Variants in MIGA1 observed in about 807,000 individuals in gnomAD.
MIGA1 encodes family with sequence similarity 73, member A.
Under a neutral mutation model 82.0 loss-of-function variants are expected in MIGA1, and 58 were observed. The observed-to-expected ratio is 0.71, with a 90% CI of 0.57 to 0.88. The LOEUF is 0.88. MIGA1 is among the 40% of genes least tolerant of loss of function. The pLI is 0.00. For synonymous variants in MIGA1, 249 were observed against 253.6 expected (o/e 0.98, Z 0.17); for missense variants, 751 against 749.1 (o/e 1.00, Z -0.03).
chr1:77,846,567 C>T (rs990160870), intron 8 of MIGA1, among the ~76,000 whole-genome samples: 48 of 151,986 alleles, frequency 3.2e-4, no homozygotes, highest in African/African-American at 1.2e-3. Context: ...CTCCTGAGCT[C>T]AAGCAATCCT....
rs950110544 is a variant in MIGA1 at position 77,783,154 on chromosome 1, A to G, written c.82-84A>G. 5.7e-6 allele frequency: 5 copies of G among 869,672 alleles called. No homozygotes were observed. The African/African-American group carries it at 8.4e-5, about 15-fold the overall frequency. 53.9% of individuals were successfully genotyped at this position (869,672 alleles called of 1,614,324 possible). On this transcript the variant is annotated intron_variant, in intron 1 of 15. Coordinates refer to ENST00000370791, the MANE Select transcript of MIGA1 (RefSeq NM_198549.4). ...TTGACTGCAAAAATAAGCTGATAGA[A>G]TTAAATTTTCAGTTTGTACCTTTCA...
intron 14 of MIGA1, among the ~76,000 whole-genome samples, chr1:77,871,199 A>T (rs1222273874): frequency 6.6e-6 from 1 of 151,722 alleles, no homozygotes; most frequent in East Asian, 1.9e-4. Flanking sequence ...CTGCTATCTT[A>T]TATTTTAAAA....
intron 7 of MIGA1, among the ~76,000 whole-genome samples, chr1:77,820,082 G>A (rs965317678): frequency 6.6e-6 from 1 of 150,726 alleles, no homozygotes; most frequent in Non-Finnish European, 1.5e-5. Flanking sequence ...TTTATTTCTG[G>A]TGGTGGTATG....
intron 7 of MIGA1, among the ~76,000 whole-genome samples, chr1:77,830,600 C>T (rs1684207289): frequency 6.6e-6 from 1 of 152,152 alleles, no homozygotes; most frequent in African/African-American, 2.4e-5. Context: ...CCCCGCAACC[C>T]TGCCCTATCT....
intron 2 of MIGA1, among the ~76,000 whole-genome samples, chr1:77,785,437 G>A (rs772841238): frequency 2.0e-5 from 3 of 151,786 alleles, no homozygotes; most frequent in Non-Finnish European, 1.5e-5. Context: ...TCTGCCTCCC[G>A]AGTTCAAGCG....
chr1:77,813,052 C>T (rs1197290392), intron 5 of MIGA1, among the ~76,000 whole-genome samples: 1 of 152,176 alleles, frequency 6.6e-6, no homozygotes, highest in African/African-American at 2.4e-5. Flanking sequence ...GCAATCTCGG[C>T]TCACTGCAAC....
intron 9 of MIGA1, 56 bp downstream of exon 9, chr1:77,859,112 C>A: frequency 8.7e-7 from 1 of 1,146,898 alleles, no homozygotes; most frequent in Non-Finnish European, 1.3e-6. Flanking sequence ...TTGTGTGGTA[C>A]TTACTAAAAA....
intron 8 of MIGA1, chr1:77,848,513 C>G: frequency 8.3e-7 from 1 of 1,202,844 alleles, no homozygotes; most frequent in Non-Finnish European, 1.2e-6. Flanking sequence ...AGTTCTAGGG[C>G]AAAGAATAAA....
chr1:77,858,983 C>G lies in MIGA1; in HGVS notation c.1042C>G (p.Leu348Val). 4 of 1,614,052 alleles carry G rather than the reference C, an allele frequency of 2.5e-6. No individual in the cohort carries two copies. Among genetic ancestry groups the G allele is most frequent in the Non-Finnish European group, 3.4e-6 (4 of 1,179,946 alleles). Residue 348 changes from leucine (L) to valine (V), a missense_variant, in exon 9 of 16, where the codon CTT (leucine) becomes GTT (valine). Leu to Val is a conservative substitution (Grantham distance 32, BLOSUM62 1). This residue lies in a region of MIGA1 where 482 missense variants were observed against 439.4 expected (regional missense o/e 1.10). Transcript: ENST00000370791. ...ACGGCATACCTACAGCCTGGAGTCC[C>G]TTTGTCACTGCCCATTTTACGAGGA...
At chr1:77,839,361 T>C (rs1684543718) in intron 7 of MIGA1, among the ~76,000 whole-genome samples, 1 of 151,936 alleles carries the variant, frequency 6.6e-6, no homozygotes, top group Admixed American at 6.6e-5. Context: ...TTGACTAAGA[T>C]GAAGCCTTTG....
chr1:77,816,570 C>T (rs1041907168), intron 7 of MIGA1, among the ~76,000 whole-genome samples: 14 of 152,044 alleles, frequency 9.2e-5, no homozygotes, highest in African/African-American at 3.4e-4. Flanking sequence ...TATGAAATCT[C>T]TTTGGTCTCT....
chr1:77,811,578 T>A, intron 5 of MIGA1: 2 of 1,609,620 alleles, frequency 1.2e-6, no homozygotes, highest in Non-Finnish European at 1.7e-6. Context: ...ATTCCAAGCA[T>A]GTTGCAATTT....
intron 14 of MIGA1, among the ~76,000 whole-genome samples, chr1:77,871,040 C>T (rs1470617627): frequency 7.9e-5 from 11 of 139,182 alleles, no homozygotes; most frequent in Admixed American, 2.3e-4. Context: ...GCAGCAGTAC[C>T]GTCCAGCTTT....
At chr1:77,862,480 T>TGG (rs1685497578) in intron 12 of MIGA1, among the ~76,000 whole-genome samples, 1 of 151,730 alleles carries the variant, frequency 6.6e-6, no homozygotes, top group African/African-American at 2.4e-5. Flanking sequence ...CGGTCCGGCA[T>TGG]GGTGGCTCAC....
At chr1:77,832,503 CAT>C (rs1229913569) in intron 7 of MIGA1, among the ~76,000 whole-genome samples, 1 of 152,104 alleles carries the variant, frequency 6.6e-6, no homozygotes, top group Non-Finnish European at 1.5e-5. Context: ...TAAGGAAAAG[CAT>C]GTGATTATTC....
chr1:77,877,495 C>T lies in MIGA1; in HGVS notation c.*2431C>T, dbSNP rs1007117385. The T allele has an allele frequency of 6.6e-6, 1 of 152,196 alleles. No individual in the cohort carries two copies. Among genetic ancestry groups the T allele is most frequent in the African/African-American group, 2.4e-5 (1 of 41,424 alleles). The allele number at this position is 152,196 out of a possible 1,614,324, so 9.4% of individuals were successfully genotyped here. Reference sequence around the variant, plus strand: ...TAAAAATTCCATTATGTACTGTTTACTTTTTATTTAATATTACATGTTTTT... The same window carrying T: ...TAAAAATTCCATTATGTACTGTTTATTTTTTATTTAATATTACATGTTTTT... On this transcript the variant is annotated 3_prime_UTR_variant, in exon 16 of 16. Coordinates refer to ENST00000370791, the MANE Select transcript of MIGA1 (RefSeq NM_198549.4).
At chr1:77,806,514 G>A (rs1683106112) in intron 4 of MIGA1, among the ~76,000 whole-genome samples, 1 of 152,188 alleles carries the variant, frequency 6.6e-6, no homozygotes, top group Non-Finnish European at 1.5e-5. Flanking sequence ...GCATAGAGGT[G>A]ATTGAAATGA....
intron 8 of MIGA1, 33 bp from the exon 9 acceptor site, chr1:77,858,905 C>G (rs202217876): frequency 5.5e-6 from 7 of 1,264,870 alleles, no homozygotes; most frequent in African/African-American, 4.4e-5. Flanking sequence ...CTGCACCTAG[C>G]CTGTATTCTG....
chr1:77,800,347 G>C (rs1490503872), intron 2 of MIGA1, among the ~76,000 whole-genome samples: 1 of 152,176 alleles, frequency 6.6e-6, no homozygotes, highest in African/African-American at 2.4e-5. Flanking sequence ...CTAACGTCAT[G>C]CTATGTCTTG....
Sources: gnomAD v4.1 joint callset for allele counts (sites outside exome capture counted in the v4.1 genomes callset) on GRCh38, gnomAD v4.1.1 for gene constraint, gnomAD v4.1.1 regional missense constraint, MANE v1.5 for transcripts, NCBI Gene and HGNC (gene_info 2026-07-23, HGNC 2026-07-21) for gene names.